The following GPHN variants were observed in gnomAD, a reference collection of about 807,000 sequenced individuals.
The protein encoded by GPHN is gephyrin.
In GPHN, 17 loss-of-function variants were observed where a neutral mutation model predicts 95.5. The ratio of observed to expected loss-of-function variants is 0.18; its 90% confidence interval spans 0.12 to 0.27. The LOEUF (loss-of-function observed/expected upper bound fraction) is 0.27. GPHN is among the 10% of genes least tolerant of loss of function. The pLI, the probability that GPHN is intolerant of heterozygous loss-of-function variation, is 1.00. For missense variants in GPHN, 660 were observed against 978.1 expected, an observed-to-expected ratio of 0.67 and a Z score of 4.34; for synonymous variants, 320 against 322.5, an observed-to-expected ratio of 0.99 and a Z score of 0.08.
chr14:67,366,396 A>G, the GPHN span, among the ~76,000 whole-genome samples: 1 of 152,226 alleles, frequency 6.6e-6, no homozygotes, highest in Non-Finnish European at 1.5e-5. Context: ...TATAAAATAT[A>G]CACAAAAGGA....
chr14:66,511,278 G>GAATAATTCTACATA (rs2058032521), intron 1 of GPHN, among the ~76,000 whole-genome samples: 1 of 152,146 alleles, frequency 6.6e-6, no homozygotes, highest in African/African-American at 2.4e-5. Context: ...GTTTTACTAT[G>GAATAATTCTACATA]TAGAATTATT....
chr14:66,815,143 A>G (rs1006646825), intron 3 of GPHN, among the ~76,000 whole-genome samples: 2 of 152,212 alleles, frequency 1.3e-5, no homozygotes, highest in African/African-American at 4.8e-5. Context: ...GGAATGAACA[A>G]AACTTCCAAG....
At chr14:67,488,640 G>C in the GPHN span, 1 of 152,446 alleles carries the variant, frequency 6.6e-6, no homozygotes, top group South Asian at 2.1e-4. Context: ...CAAGGACCAT[G>C]TGCCTGGGGA....
chr14:66,831,669 GTTTTCTCATCTGCTAAATTAGCTAAT>G (rs1566991885), intron 4 of GPHN, among the ~76,000 whole-genome samples: 2 of 152,140 alleles, frequency 1.3e-5, no homozygotes, highest in African/African-American at 4.8e-5. Flanking sequence ...GTTCAAATCT[GTTTTCTCATCTGCTAAATTAGCTAAT>G]TTTTCTCATC....
At chr14:67,691,275 T>C in the GPHN span, 2 of 1,527,320 alleles carry the variant, frequency 1.3e-6, no homozygotes, top group African/African-American at 1.4e-5. Context: ...AGCGTGGAAG[T>C]GGCTAGCCAA....
chr14:67,338,733 A>T, the GPHN span: 1 of 1,613,332 alleles, frequency 6.2e-7, no homozygotes, highest in Non-Finnish European at 8.5e-7. Context: ...TTCCTTTAGA[A>T]TCTTTTTCTT....
intron 4 of GPHN, among the ~76,000 whole-genome samples, chr14:66,847,421 T>C (rs1271087063): frequency 6.6e-6 from 1 of 152,042 alleles, no homozygotes; most frequent in African/African-American, 2.4e-5. Flanking sequence ...ATAATAAATA[T>C]ACTTTTTCTT....
chr14:67,244,532 A>G, the GPHN span, among the ~76,000 whole-genome samples: 2 of 152,224 alleles, frequency 1.3e-5, no homozygotes, highest in African/African-American at 4.8e-5. Flanking sequence ...TCATTGTACA[A>G]TTCCAACTCA....
the GPHN span, among the ~76,000 whole-genome samples, chr14:67,278,228 C>G: frequency 6.6e-6 from 1 of 151,780 alleles, no homozygotes; most frequent in African/African-American, 2.4e-5. Context: ...TTAGTAGAGA[C>G]GGGGTTTTGC....
chr14:67,442,495 A>G, the GPHN span, among the ~76,000 whole-genome samples: 1 of 152,184 alleles, frequency 6.6e-6, no homozygotes, highest in African/African-American at 2.4e-5. Context: ...GCCTAAGATA[A>G]GGAACAGCTT....
chr14:67,359,679 A>G, the GPHN span: 4 of 1,613,998 alleles, frequency 2.5e-6, no homozygotes, highest in Non-Finnish European at 2.5e-6. Context: ...AAAGATTTCA[A>G]TTCGGTCTTT....
chr14:67,197,500 T>C, the GPHN span: 1 of 152,178 alleles, frequency 6.6e-6, no homozygotes, highest in Non-Finnish European at 1.5e-5. Flanking sequence ...TTCTCTCTCC[T>C]GGAGACTTAA....
chr14:67,305,658 C>A, the GPHN span, among the ~76,000 whole-genome samples: 1 of 152,112 alleles, frequency 6.6e-6, no homozygotes, highest in Non-Finnish European at 1.5e-5. Context: ...CCATTTTTTT[C>A]ATGGATAGAA....
chr14:67,100,748 A>G (rs571546893), intron 12 of GPHN, 108 bp from the exon 13 acceptor site: 96 of 762,108 alleles, frequency 1.3e-4, no homozygotes, highest in African/African-American at 6.8e-4. Flanking sequence ...CACTTCTCTA[A>G]GCCTTATCAA....
chr14:67,429,021 T>C, the GPHN span, among the ~76,000 whole-genome samples: 1 of 152,140 alleles, frequency 6.6e-6, no homozygotes, highest in African/African-American at 2.4e-5. Context: ...TTAGAAGGAA[T>C]GTGAAGGCTC....
At chr14:66,814,522 G>A (rs1322153368) in intron 3 of GPHN, among the ~76,000 whole-genome samples, 1 of 152,210 alleles carries the variant, frequency 6.6e-6, no homozygotes, top group Non-Finnish European at 1.5e-5. Flanking sequence ...AGAGCACACA[G>A]TCCAGGAGTT....
chr14:66,520,936 A>G (rs1455347189), intron 1 of GPHN, among the ~76,000 whole-genome samples: 1 of 152,022 alleles, frequency 6.6e-6, no homozygotes, highest in Non-Finnish European at 1.5e-5. Context: ...CCCCACTTAT[A>G]AGTGAGAACA....
the GPHN span, among the ~76,000 whole-genome samples, chr14:67,442,454 C>T: frequency 5.4e-3 from 822 of 152,248 alleles, 7 homozygotes; most frequent in African/African-American, 0.018. Flanking sequence ...TTCTACCTAG[C>T]GGTCCAGAAG....
rs7154827 is a variant in GPHN, at chr14:67,181,515, C to T, written c.*578C>T. The T allele has an allele frequency of 1.6e-4, 81 of 513,702 alleles. No individual in the cohort carries two copies. The highest frequency in any genetic ancestry group is 1.3e-3 in the African/African-American group (69 of 52,718). 31.8% of individuals were successfully genotyped at this position (513,702 alleles called of 1,614,324 possible). ...GAGGTTTCTCGCCCCAATAGCCTCA[C>T]GGCACAGTACTCTTGGGCAGTAACT... On this transcript the variant is annotated 3_prime_UTR_variant, in exon 23 of 23. Transcript: ENST00000478722.
Sources: allele counts gnomAD v4.1 joint callset (sites outside exome capture counted in the v4.1 genomes callset), GRCh38; gene constraint gnomAD v4.1.1; transcripts MANE v1.5; gene names NCBI Gene and HGNC (gene_info 2026-07-23, HGNC 2026-07-21).